The following ADGRL2 variants were observed in gnomAD, a reference collection of about 807,000 sequenced individuals.
The protein encoded by ADGRL2 is calcium-independent alpha-latrotoxin receptor 2.
A neutral mutation model predicts 157.4 loss-of-function variants in ADGRL2; 44 were observed. The ratio of observed to expected loss-of-function variants is 0.28; its 90% CI spans 0.22 to 0.36. ADGRL2 has a LOEUF of 0.36. Among genes scored for constraint, ADGRL2 ranks in the 10% least tolerant of loss-of-function variants. The pLI is 1.00. For synonymous variants in ADGRL2, 585 were observed against 624.7 expected, an observed-to-expected ratio of 0.94 and a Z score of 0.95; for missense variants, 1,510 against 1,768.9, an observed-to-expected ratio of 0.85 and a Z score of 2.63.
intron 2 of ADGRL2, among the ~76,000 whole-genome samples, chr1:81,889,955 C>T (rs1011187063): frequency 6.6e-6 from 1 of 152,218 alleles, no homozygotes; most frequent in African/African-American, 2.4e-5. Context: ...GTGTGGGTCA[C>T]CTCGGTCTCC....
At chr1:81,750,823 A>C (rs1027188742) in intron 1 of ADGRL2, among the ~76,000 whole-genome samples, 4 of 152,222 alleles carry the variant, frequency 2.6e-5, no homozygotes, top group Non-Finnish European at 4.4e-5. Flanking sequence ...ATAGATATAT[A>C]TGGAAATAAA....
chr1:81,778,321 CAAA>C (rs35538546), intron 2 of ADGRL2, among the ~76,000 whole-genome samples: 68,405 of 136,340 alleles, frequency 0.5, 16,510 homozygotes, highest in East Asian at 0.94. Flanking sequence ...GACTCCGTCT[CAAA>C]AAAAAAAAAA....
chr1:81,645,820 C>A (rs902861342), intron 3 of ADGRL2, among the ~76,000 whole-genome samples: 1 of 152,022 alleles, frequency 6.6e-6, no homozygotes, highest in Admixed American at 6.6e-5. Flanking sequence ...TGATGCATTG[C>A]ACATCTTAGC....
At chr1:81,669,833 C>G (rs1478938141) in intron 3 of ADGRL2, among the ~76,000 whole-genome samples, 1 of 151,488 alleles carries the variant, frequency 6.6e-6, no homozygotes, top group South Asian at 2.1e-4. Flanking sequence ...GTCCCAGCTA[C>G]TCAGGAGGCT....
rs1164087131 is a variant in ADGRL2 at position 81,616,679 on chromosome 1, CTTT to C, written c.-143+35712_-143+35714del. 3.1e-4 allele frequency among the ~76,000 whole-genome samples: 33 copies of C among 105,960 alleles called. 1 individual carries two copies. Among genetic ancestry groups the C allele is most frequent in the South Asian group, 1.5e-3 (5 of 3,248 alleles). The allele number at this position is 105,960 out of a possible 152,430, so 69.5% of individuals were successfully genotyped here. A position where few individuals can be genotyped will look rare whatever the true frequency, so the allele number is the denominator to read the frequency against. The stretch of plus-strand genomic sequence containing the variant: ...TTTTTCTTTTCTTTTCTTTTCTTTT[CTTT>C]TTTTTTTTTTTTGAGACAGGGTCTC... On this transcript the variant is annotated intron_variant, in intron 3 of 24. Coordinates refer to the ADGRL2 transcript ENST00000370721.
At chr1:81,832,351 G>C (rs374220187) in intron 1 of ADGRL2, among the ~76,000 whole-genome samples, 14 of 152,202 alleles carry the variant, frequency 9.2e-5, no homozygotes, top group African/African-American at 2.9e-4. Context: ...CACCATGTTG[G>C]TCAGGCTGGT....
chr1:81,928,035 C>G (rs1410740766), intron 3 of ADGRL2, among the ~76,000 whole-genome samples: 1 of 152,014 alleles, frequency 6.6e-6, no homozygotes, highest in East Asian at 1.9e-4. Flanking sequence ...TTTGTATTCC[C>G]TCTCCATTCA....
At chr1:81,584,279 G>C (rs2148556626) in intron 3 of ADGRL2, among the ~76,000 whole-genome samples, 1 of 152,106 alleles carries the variant, frequency 6.6e-6, no homozygotes, top group South Asian at 2.1e-4. Flanking sequence ...TCACTGGGCA[G>C]GGGGAGTAAT....
intron 2 of ADGRL2, among the ~76,000 whole-genome samples, chr1:81,871,005 A>G (rs2093677521): frequency 6.7e-6 from 1 of 150,260 alleles, no homozygotes; most frequent in Non-Finnish European, 1.5e-5. Context: ...TTACATATGT[A>G]TACATGTGCC....
intron 3 of ADGRL2, among the ~76,000 whole-genome samples, chr1:81,597,690 G>A (rs2081262441): frequency 6.6e-6 from 1 of 152,118 alleles, no homozygotes; most frequent in Non-Finnish European, 1.5e-5. Context: ...GTTACATCCG[G>A]ATAAACCCAT....
chr1:81,502,273 C>G, intron 2 of ADGRL2: 2 of 1,613,820 alleles, frequency 1.2e-6, no homozygotes, highest in Non-Finnish European at 1.7e-6. Context: ...CTTCCAAGGC[C>G]TCATCTTCTG....
At chr1:81,834,906 T>C (rs1400455412) in intron 1 of ADGRL2, among the ~76,000 whole-genome samples, 1 of 152,156 alleles carries the variant, frequency 6.6e-6, no homozygotes, top group Non-Finnish European at 1.5e-5. Flanking sequence ...TATATAAAAA[T>C]TTTCATAAGA....
intron 2 of ADGRL2, among the ~76,000 whole-genome samples, chr1:81,542,823 C>T (rs1314554919): frequency 1.3e-5 from 2 of 152,086 alleles, no homozygotes; most frequent in Non-Finnish European, 2.9e-5. Context: ...TCAGATTTTA[C>T]AATAGTTATT....
intron 1 of ADGRL2, among the ~76,000 whole-genome samples, chr1:81,376,020 A>G (rs955138966): frequency 9.9e-5 from 15 of 152,236 alleles, no homozygotes; most frequent in Non-Finnish European, 1.9e-4. Context: ...TTACGAAGAT[A>G]GCAATATATA....
chr1:81,955,873 A>C lies in ADGRL2; in HGVS notation c.1834-4A>C, dbSNP rs1402415182. 6.4e-7 allele frequency: 1 copy of C among 1,560,376 alleles called. No homozygotes were observed. Among genetic ancestry groups the C allele is most frequent in the Non-Finnish European group, 8.7e-7 (1 of 1,155,420 alleles). Reference sequence around the variant, plus strand: ...AACTAATGATAGTTTTCTAATGGATACAGGCAATTGTTGACACAGTGGACA... The same window carrying C: ...AACTAATGATAGTTTTCTAATGGATCCAGGCAATTGTTGACACAGTGGACA... On this transcript the variant is annotated splice_region_variant and splice_polypyrimidine_tract_variant and intron_variant, in intron 10 of 23. Coordinates refer to ENST00000686636, the MANE Select transcript of ADGRL2 (RefSeq NM_001366006.2).
intron 1 of ADGRL2, among the ~76,000 whole-genome samples, chr1:81,397,740 A>T (rs1279993026): frequency 6.6e-6 from 1 of 152,198 alleles, no homozygotes; most frequent in African/African-American, 2.4e-5. Flanking sequence ...CATGTGGTCT[A>T]TGCTGAAGAA....
intron 17 of ADGRL2, among the ~76,000 whole-genome samples, chr1:81,972,911 TA>T (rs11440202): frequency 3.1e-5 from 4 of 128,784 alleles, no homozygotes; most frequent in Admixed American, 7.9e-5. Flanking sequence ...GACCCTGTCT[TA>T]AAAAAAAAAA....
At chr1:81,435,491 A>G (rs1223788502) in intron 1 of ADGRL2, among the ~76,000 whole-genome samples, 4 of 152,194 alleles carry the variant, frequency 2.6e-5, no homozygotes, top group African/African-American at 9.7e-5. Context: ...AACTTTGAGA[A>G]ATTTTAAAAG....
intron 3 of ADGRL2, among the ~76,000 whole-genome samples, chr1:81,651,304 T>G (rs948928044): frequency 6.6e-6 from 1 of 152,238 alleles, no homozygotes; most frequent in Non-Finnish European, 1.5e-5. Flanking sequence ...CTATCATCTC[T>G]AATAGCATTT....
Sources: gnomAD v4.1 joint callset for allele counts (sites outside exome capture counted in the v4.1 genomes callset) on GRCh38, gnomAD v4.1.1 for gene constraint, MANE v1.5 for transcripts, NCBI Gene and HGNC (gene_info 2026-07-23, HGNC 2026-07-21) for gene names.